Variants in FRMD6 observed in about 807,000 individuals in gnomAD.
FRMD6 encodes FERM domain-containing protein 6.
FRMD6 carries 37 observed loss-of-function variants against 73.2 expected under a neutral mutation model. That is an observed-to-expected ratio of 0.51 (90% CI 0.39 to 0.66). FRMD6 has a LOEUF of 0.66. Ranked by LOEUF, FRMD6 falls within the 30% of genes least tolerant of loss-of-function variation. The pLI is 0.00. For synonymous variants in FRMD6, 273 were observed against 282.2 expected, an observed-to-expected ratio of 0.97 and a Z score of 0.33; for missense variants, 714 against 780.5, an observed-to-expected ratio of 0.91 and a Z score of 1.02.
chr14:51,661,106 G>T (rs1357626421), intron 1 of FRMD6, among the ~76,000 whole-genome samples: 1 of 152,128 alleles, frequency 6.6e-6, no homozygotes, highest in Non-Finnish European at 1.5e-5. Flanking sequence ...GAGAGGATTT[G>T]ATTTGCATTT....
At chr14:51,687,541 A>G (rs1489761029) in intron 1 of FRMD6, among the ~76,000 whole-genome samples, 1 of 151,962 alleles carries the variant, frequency 6.6e-6, no homozygotes, top group Admixed American at 6.6e-5. Context: ...TAGGACCTTA[A>G]TAGATATGCC....
intron 1 of FRMD6, among the ~76,000 whole-genome samples, chr14:51,536,510 T>A (rs1885900353): frequency 1.3e-5 from 2 of 152,020 alleles, no homozygotes; most frequent in African/African-American, 4.8e-5. Flanking sequence ...CTCTGCCTCC[T>A]GGGTTCAAGC....
upstream of FRMD6, among the ~76,000 whole-genome samples, chr14:51,487,500 T>C (rs755151534): frequency 3.3e-5 from 5 of 152,232 alleles, no homozygotes; most frequent in Non-Finnish European, 7.3e-5. Context: ...CCTGAGGTCC[T>C]GCATTTCCAA....
intron 2 of FRMD6, among the ~76,000 whole-genome samples, chr14:51,602,407 A>G (rs1358358867): frequency 6.6e-6 from 1 of 152,244 alleles, no homozygotes; most frequent in Non-Finnish European, 1.5e-5. Context: ...AGAAAGGACC[A>G]GTCACTTGCT....
the FRMD6 span, among the ~76,000 whole-genome samples, chr14:51,409,727 T>TGGTCCC: frequency 1.3e-5 from 2 of 152,096 alleles, no homozygotes; most frequent in Non-Finnish European, 2.9e-5. Context: ...GTATCCTGAG[T>TGGTCCC]AGCTGGGACC....
intron 7 of FRMD6, 77 bp downstream of exon 7, chr14:51,708,310 G>A: frequency 1.5e-6 from 2 of 1,330,104 alleles, no homozygotes; most frequent in South Asian, 1.4e-5. Flanking sequence ...AAAACCGAAG[G>A]ATTTCATTTC....
chr14:51,602,555 A>G (rs1047864087), intron 2 of FRMD6, among the ~76,000 whole-genome samples: 2 of 152,236 alleles, frequency 1.3e-5, no homozygotes, highest in Non-Finnish European at 2.9e-5. Flanking sequence ...AATTTTGTTG[A>G]AACATGGCCA....
chr14:51,615,853 G>A (rs1345461100), intron 2 of FRMD6, among the ~76,000 whole-genome samples: 2 of 152,180 alleles, frequency 1.3e-5, no homozygotes, highest in East Asian at 3.8e-4. Context: ...GTATTCCAAG[G>A]AGAATATAAC....
At chr14:51,709,828 A>G (rs536647719) in intron 7 of FRMD6, among the ~76,000 whole-genome samples, 2 of 152,192 alleles carry the variant, frequency 1.3e-5, no homozygotes, top group Admixed American at 6.6e-5. Context: ...CTTTGGAATC[A>G]GATGTCAATT....
At chr14:51,651,146 G>A (rs1261924274), upstream of FRMD6, 2 of 152,678 alleles carry the variant, frequency 1.3e-5, no homozygotes, top group African/African-American at 4.8e-5. Flanking sequence ...ACTATCGGGA[G>A]GGGACAAAAA....
At chr14:51,538,320 A>G (rs1033785677) in intron 1 of FRMD6, among the ~76,000 whole-genome samples, 1 of 151,716 alleles carries the variant, frequency 6.6e-6, no homozygotes, top group South Asian at 2.1e-4. Flanking sequence ...CTTATCTATG[A>G]TATGAGAATA....
chr14:51,419,523 G>A, the FRMD6 span, among the ~76,000 whole-genome samples: 3 of 152,144 alleles, frequency 2.0e-5, no homozygotes, highest in African/African-American at 4.8e-5. Flanking sequence ...GCAAAATATG[G>A]GGGAGGCATG....
the FRMD6 span, among the ~76,000 whole-genome samples, chr14:51,428,863 G>C: frequency 6.6e-6 from 1 of 151,680 alleles, no homozygotes; most frequent in East Asian, 1.9e-4. Context: ...TGAGCCCCAA[G>C]CTACCTTTGC....
intron 1 of FRMD6, among the ~76,000 whole-genome samples, chr14:51,515,227 C>T (rs74052336): frequency 6.6e-5 from 10 of 152,324 alleles, no homozygotes; most frequent in Admixed American, 5.2e-4. Context: ...CTCCAGTTCC[C>T]GTTACCAAGA....
At chr14:51,594,696 T>C (rs1594572946) in intron 2 of FRMD6, among the ~76,000 whole-genome samples, 1 of 151,270 alleles carries the variant, frequency 6.6e-6, no homozygotes, top group East Asian at 2.0e-4. Context: ...CTCTTGACCT[T>C]AGGCGATCCA....
chr14:51,426,275 A>G, the FRMD6 span, among the ~76,000 whole-genome samples: 1 of 151,956 alleles, frequency 6.6e-6, no homozygotes, highest in East Asian at 1.9e-4. Flanking sequence ...TTTCCATTCC[A>G]TCCCCTCCAG....
chr14:51,449,615 G>A, the FRMD6 span, among the ~76,000 whole-genome samples: 3 of 152,128 alleles, frequency 2.0e-5, no homozygotes, highest in African/African-American at 7.2e-5. Context: ...TGATCCCAAA[G>A]AGTGTCACCA....
chr14:51,657,842 C>T (rs1465772826), intron 1 of FRMD6, among the ~76,000 whole-genome samples: 1 of 152,154 alleles, frequency 6.6e-6, no homozygotes, highest in Non-Finnish European at 1.5e-5. Flanking sequence ...CACCAGATTT[C>T]AATTGAGAAT....
At chr14:51,702,847 A>G (rs550267881) in intron 5 of FRMD6, among the ~76,000 whole-genome samples, 23 of 152,102 alleles carry the variant, frequency 1.5e-4, no homozygotes, top group African/African-American at 4.6e-4. Context: ...AACAGTATCT[A>G]TTGGCCCACA....
Sources: gnomAD v4.1 joint callset for allele counts (sites outside exome capture counted in the v4.1 genomes callset) on GRCh38, gnomAD v4.1.1 for gene constraint, MANE v1.5 for transcripts, NCBI Gene and HGNC (gene_info 2026-07-23, HGNC 2026-07-21) for gene names.